ARMC1: variants seen among roughly 807,000 people sequenced by gnomAD.
ARMC1 encodes armadillo repeat-containing protein 1.
A neutral mutation model predicts 31.4 loss-of-function variants in ARMC1; 16 were observed. That is an observed-to-expected ratio of 0.51 (90% CI 0.34 to 0.77). ARMC1 has a LOEUF of 0.77. Ranked by LOEUF, ARMC1 falls within the 30% of genes least tolerant of loss-of-function variation. The pLI is 0.01. For synonymous variants in ARMC1, 114 were observed against 118.9 expected (o/e 0.96, Z 0.27); for missense variants, 259 against 347.5 (o/e 0.75, Z 2.02).
In ARMC1 at chr8:65,622,330, G is replaced by A. The variant is rs761137517; in HGVS notation, c.208C>T (p.Arg70Cys). 1.2e-5 allele frequency: 19 copies of A among 1,613,838 alleles called. No individual in the cohort carries two copies. In the South Asian group the frequency reaches 1.3e-4, roughly 11 times the overall value. Residue 70 changes from arginine to cysteine, a missense_variant, in exon 3 of 7, where the codon CGT becomes TGT. Around this residue, in one of 3 missense-constraint regions of ARMC1, gnomAD observed 163 missense variants for 186.7 expected, o/e 0.87. Transcript: ENST00000276569. ...CCTTTCATCTTTTCTCTGTTTGCAC[G>A]GCATTCTGCCAAGTATCGAAGAGCC... is the stretch of plus-strand genomic sequence containing the variant. ...LLALRYLAEC[R>C]ANREKMKGEL... is the part of the protein sequence containing the mutation.
Position 65,604,317 on chromosome 8 carries a change from T to C in ARMC1, c.*77A>G. The C allele has an allele frequency of 7.4e-7, 1 of 1,357,154 alleles. No individual in the cohort carries two copies. Among genetic ancestry groups the C allele is most frequent in the Non-Finnish European group, 1.0e-6 (1 of 987,820 alleles). The allele number at this position is 1,357,154 out of a possible 1,614,324, so 84.1% of individuals were successfully genotyped here. A position where few individuals can be genotyped will look rare whatever the true frequency, so the allele number is the denominator to read the frequency against. ...CTTTTCATGATAACTTATTGCAAAT[T>C]GCACTTGACAGTTCACCACAACAAT... On this transcript the variant is annotated 3_prime_UTR_variant, in exon 7 of 7. Transcript: ENST00000276569.
intron 3 of ARMC1, among the ~76,000 whole-genome samples, 199 bp from the exon 4 acceptor site, chr8:65,613,632 G>A (rs985081707): frequency 2.0e-5 from 3 of 152,100 alleles, no homozygotes; most frequent in East Asian, 1.9e-4. Flanking sequence ...TTTTAAACCC[G>A]TGGCTCATTG....
In ARMC1 at chr8:65,604,191, A is replaced by C. The variant is rs1379964720; in HGVS notation, c.*203T>G. 1 of 475,622 alleles carries C rather than the reference A, an allele frequency of 2.1e-6. No homozygotes were observed. The highest frequency in any genetic ancestry group is 3.7e-6 in the Non-Finnish European group (1 of 271,316). 29.5% of individuals were successfully genotyped at this position (475,622 alleles called of 1,614,324 possible). A position where few individuals can be genotyped will look rare whatever the true frequency, so the allele number is the denominator to read the frequency against. On this transcript the variant is annotated 3_prime_UTR_variant, in exon 7 of 7. Coordinates refer to ENST00000276569, the MANE Select transcript of ARMC1 (RefSeq NM_018120.6). ...AACAAACCAAAATACTTTCATAAACAAAGCAACTCCATCTGTAGCCTCTGT... is the reference window on the plus strand; with the variant it reads ...AACAAACCAAAATACTTTCATAAACCAAGCAACTCCATCTGTAGCCTCTGT...
chr8:65,602,840 T>C lies in ARMC1; in HGVS notation c.*1554A>G, dbSNP rs1807921836. On this transcript the variant is annotated 3_prime_UTR_variant, in exon 7 of 7. Transcript: ENST00000276569. ...TGTTGCTTTTTTTGTTTTTTTTTTT[T>C]CAGTTTGTGCGTGTCACTTGAATCA... 1 of 151,446 alleles carries C rather than the reference T, an allele frequency of 6.6e-6. No homozygotes were observed. The highest frequency in any genetic ancestry group is 2.4e-5 in the African/African-American group (1 of 41,284). The allele number at this position is 151,446 out of a possible 1,614,324, so 9.4% of individuals were successfully genotyped here.
chr8:65,606,661 T>C (rs137942851), intron 4 of ARMC1, among the ~76,000 whole-genome samples: 1 of 152,322 alleles, frequency 6.6e-6, no homozygotes, highest in Non-Finnish European at 1.5e-5. Flanking sequence ...GGGTACTACA[T>C]TATCCTGGTC....
chr8:65,627,202 T>C lies in ARMC1; in HGVS notation c.183+14A>G. The C allele has an allele frequency of 6.5e-7, 1 of 1,528,698 alleles. No homozygotes were observed. Among genetic ancestry groups the C allele is most frequent in the Admixed American group, 2.2e-5 (1 of 45,336 alleles). The allele number at this position is 1,528,698 out of a possible 1,614,324, so 94.7% of individuals were successfully genotyped here. On this transcript the variant is annotated intron_variant, in intron 2 of 6. Coordinates refer to ENST00000276569, the MANE Select transcript of ARMC1 (RefSeq NM_018120.6). ...AAAATAGAACAGAGATTGAAATTAC[T>C]AAAGGCAACTTACAAGCAAAGCGGA...
intron 2 of ARMC1, among the ~76,000 whole-genome samples, chr8:65,626,988 A>T (rs1022538741): frequency 6.6e-6 from 1 of 150,704 alleles, no homozygotes; most frequent in Admixed American, 6.7e-5. Flanking sequence ...AGTGTACTCC[A>T]GGCCTAGATG....
Position 65,632,160 on chromosome 8 carries a change from CA to C in ARMC1, c.-36+1837del, listed in dbSNP as rs1003434484. ...AAGCTCTAAAACTCTGTAAGATGGC[CA>C]GGTACCATGGCTCAGGCCGGTAATC... On this transcript the variant is annotated intron_variant, in intron 1 of 6. Transcript: ENST00000276569. Among the ~76,000 whole-genome samples, 127 of 152,190 alleles carry C rather than the reference CA, an allele frequency of 8.3e-4. 1 individual carries two copies. The highest frequency in any genetic ancestry group is 2.9e-3 in the Admixed American group (45 of 15,270).
intron 6 of ARMC1, 78 bp downstream of exon 6, chr8:65,605,185 G>C: frequency 8.0e-7 from 1 of 1,243,984 alleles, no homozygotes; most frequent in Non-Finnish European, 1.1e-6. Context: ...TATTAATTTA[G>C]AAATACTGGC....
chr8:65,622,873 G>A (rs933018605), intron 2 of ARMC1, among the ~76,000 whole-genome samples: 36 of 151,960 alleles, frequency 2.4e-4, no homozygotes, highest in African/African-American at 8.7e-4. Flanking sequence ...GGATGTGGTA[G>A]CATGTGCCTG....
chr8:65,614,870 GC>G lies in ARMC1; in HGVS notation c.276-1438del, dbSNP rs148694798. On this transcript the variant is annotated intron_variant, in intron 3 of 6. Transcript: ENST00000276569. ...GCTTGACCAACACCTTCTATATAATGCCTCTACCTAATAACCCAATTCTCCC... is the reference window on the plus strand; with the variant it reads ...GCTTGACCAACACCTTCTATATAATGCTCTACCTAATAACCCAATTCTCCC... 1.9e-3 allele frequency among the ~76,000 whole-genome samples: 294 copies of G among 152,162 alleles called. 1 individual carries two copies. Among genetic ancestry groups the G allele is most frequent in the Non-Finnish European group, 2.0e-3 (133 of 67,992 alleles).
intron 2 of ARMC1, among the ~76,000 whole-genome samples, chr8:65,623,315 A>AAAAAAAAAAC (rs1808436734): frequency 6.8e-6 from 1 of 146,810 alleles, no homozygotes; most frequent in Non-Finnish European, 1.5e-5. Context: ...CTCAAAAAAA[A>AAAAAAAAAAC]AAAAAAAAAT....
chr8:65,614,902 A>T (rs1808218195), intron 3 of ARMC1, among the ~76,000 whole-genome samples: 1 of 152,178 alleles, frequency 6.6e-6, no homozygotes, highest in Non-Finnish European at 1.5e-5. Flanking sequence ...CTCCCTTTGC[A>T]TTCAGAGTAC....
At chr8:65,605,193 G>A (rs1807976271) in intron 6 of ARMC1, 70 bp downstream of exon 6, 6 of 1,307,172 alleles carry the variant, frequency 4.6e-6, no homozygotes, top group Non-Finnish European at 6.4e-6. Context: ...TAGAAATACT[G>A]GCAATCTGCT....
Position 65,622,347 on chromosome 8 carries a change from C to T in ARMC1, c.191G>A (p.Arg64Gln), listed in dbSNP as rs778463803. 1.4e-5 allele frequency: 23 copies of T among 1,613,736 alleles called. No homozygotes were observed. The highest frequency in any genetic ancestry group is 8.3e-5 in the Admixed American group (5 of 60,022). Residue 64 changes from arginine to glutamine, a missense_variant, in exon 3 of 7, where the codon CGA becomes CAA. Physicochemically the swap from Arg to Gln is conservative, Grantham distance 43. Around this residue, in one of 3 missense-constraint regions of ARMC1, gnomAD observed 163 missense variants for 186.7 expected, o/e 0.87. Transcript: ENST00000276569. ...GTTTGCACGGCATTCTGCCAAGTAT[C>T]GAAGAGCCTACAGCAGAAGAAGTAA... ...PVVHSALLAL[R>Q]YLAECRANRE...
chr8:65,617,913 T>G (rs536187379), intron 3 of ARMC1, among the ~76,000 whole-genome samples: 1 of 78,968 alleles, frequency 1.3e-5, no homozygotes, highest in Non-Finnish European at 2.8e-5. Flanking sequence ...TTAATCCTTT[T>G]TTCGGCGGGG....
At chr8:65,631,382 C>T (rs1808640143) in intron 1 of ARMC1, among the ~76,000 whole-genome samples, 1 of 152,174 alleles carries the variant, frequency 6.6e-6, no homozygotes, top group Non-Finnish European at 1.5e-5. Context: ...CTACAGGTGC[C>T]TGCCACCATG....
chr8:65,613,356 C>G lies in ARMC1; in HGVS notation c.353G>C (p.Gly118Ala). The G allele has an allele frequency of 1.2e-6, 2 of 1,612,124 alleles. No individual in the cohort carries two copies. Among genetic ancestry groups the G allele is most frequent in the East Asian group, 2.2e-5 (1 of 44,768 alleles). The stretch of plus-strand genomic sequence containing the variant: ...TGAATTCATCTCATTAAAACTATCA[C>G]CATCTGCCATATTGGAGGACTGAAG... ...DILQSSNMAD[G>A]DSFNEMNSRR... Residue 118 changes from glycine to alanine, a missense_variant, in exon 4 of 7, where the codon GGT becomes GCT. Transcript: ENST00000276569.
chr8:65,626,996 A>G (rs1441655020), intron 2 of ARMC1, among the ~76,000 whole-genome samples: 2 of 146,160 alleles, frequency 1.4e-5, no homozygotes, highest in Non-Finnish European at 3.0e-5. Flanking sequence ...CCAGGCCTAG[A>G]TGACTCAAAA....
Sources: gnomAD v4.1 joint callset for allele counts (sites outside exome capture counted in the v4.1 genomes callset) on GRCh38, gnomAD v4.1.1 for gene constraint, gnomAD v4.1.1 regional missense constraint, MANE v1.5 for transcripts, NCBI Gene and HGNC (gene_info 2026-07-23, HGNC 2026-07-21) for gene names.